Variants in AKAP13 observed in about 807,000 individuals in gnomAD.
AKAP13 encodes A-kinase anchor protein 13.
In AKAP13, 80 loss-of-function variants were observed where a neutral mutation model predicts 264.5. The ratio of observed to expected loss-of-function variants is 0.30; its 90% CI spans 0.25 to 0.36. The LOEUF (loss-of-function observed/expected upper bound fraction) is 0.36, where lower values mean the gene tolerates loss of function less well. AKAP13 is among the 10% of genes least tolerant of loss of function. AKAP13 has a pLI of 1.00. For missense variants in AKAP13, 3,712 were observed against 3,435.2 expected, an observed-to-expected ratio of 1.08 and a Z score of -2.01; for synonymous variants, 1,380 against 1,250.2, an observed-to-expected ratio of 1.10 and a Z score of -2.19.
chr15:85,622,949 T>G (rs923115694), intron 8 of AKAP13, among the ~76,000 whole-genome samples: 1 of 152,234 alleles, frequency 6.6e-6, no homozygotes, highest in African/African-American at 2.4e-5. Context: ...GTGCAGGAAT[T>G]CCTTCTACAA....
rs899072098 is a variant in AKAP13, at chr15:85,708,322, C to A, written c.5532+236C>A. 6.6e-6 allele frequency among the ~76,000 whole-genome samples: 1 copy of A among 152,198 alleles called. No homozygotes were observed. The highest frequency in any genetic ancestry group is 1.9e-4 in the East Asian group (1 of 5,200). On this transcript the variant is annotated intron_variant, in intron 18 of 36. Coordinates refer to ENST00000394518, the MANE Select transcript of AKAP13 (RefSeq NM_007200.5). The surrounding 1 kb of genome is among the most constrained non-coding windows in gnomAD (Gnocchi z 4.3). ...AGAAAACGCTTTCAGAACTTCTTCA[C>A]GTTCAATATACATTTCTTCGTGATT...
intron 16 of AKAP13, among the ~76,000 whole-genome samples, chr15:85,687,773 G>C (rs554480721): frequency 6.6e-6 from 1 of 152,174 alleles, no homozygotes; most frequent in South Asian, 2.1e-4. Flanking sequence ...GGGCACAGTG[G>C]TACACACCTG....
chr15:85,397,588 T>C (rs1260948617), intron 1 of AKAP13, among the ~76,000 whole-genome samples: 1 of 152,220 alleles, frequency 6.6e-6, no homozygotes, highest in Admixed American at 6.5e-5. Flanking sequence ...GGAACCATTA[T>C]TGATCTATTG....
At chr15:85,528,931 T>C (rs1246372870) in intron 3 of AKAP13, among the ~76,000 whole-genome samples, 1 of 152,188 alleles carries the variant, frequency 6.6e-6, no homozygotes, top group African/African-American at 2.4e-5. Context: ...TAAAAAAAGA[T>C]TGGGATTTTT....
chr15:85,498,197 GAGATAT>G (rs1257264138), intron 2 of AKAP13, among the ~76,000 whole-genome samples: 2,739 of 30,070 alleles, frequency 0.091, 94 homozygotes, highest in Non-Finnish European at 0.098. Context: ...TAAATGAAGT[GAGATAT>G]ATATATATAT....
intron 2 of AKAP13, among the ~76,000 whole-genome samples, chr15:85,508,498 C>T (rs374337849): frequency 2.2e-4 from 33 of 151,860 alleles, no homozygotes; most frequent in Middle Eastern, 6.8e-3. Flanking sequence ...AGCCCTCTGA[C>T]GGGGGTGGTG....
chr15:85,626,405 C>T lies in AKAP13; in HGVS notation c.4162-12969C>T, dbSNP rs188324079. Among the ~76,000 whole-genome samples, 236 of 152,302 alleles carry T rather than the reference C, an allele frequency of 1.5e-3. 6 individuals are homozygous for T. The highest frequency in any genetic ancestry group is 1.0e-4 in the Non-Finnish European group (7 of 68,022). On this transcript the variant is annotated intron_variant, in intron 8 of 36. Transcript: ENST00000394518. Reference sequence around the variant, plus strand: ...TCTTTACCTGTTAAAACACTAACTTCCCATTCTCTTTGCTTGCTAGTTTGG... The same window carrying T: ...TCTTTACCTGTTAAAACACTAACTTTCCATTCTCTTTGCTTGCTAGTTTGG...
intron 1 of AKAP13, among the ~76,000 whole-genome samples, chr15:85,448,674 G>A (rs563470715): frequency 6.6e-6 from 1 of 152,162 alleles, no homozygotes; most frequent in African/African-American, 2.4e-5. Context: ...TCAGATGGTC[G>A]TAGATGTGTG....
Position 85,682,817 on chromosome 15 carries a change from G to A in AKAP13, c.5156+605G>A, listed in dbSNP as rs1001874061. On this transcript the variant is annotated intron_variant, in intron 15 of 36. Transcript: ENST00000394518. ...TGAGTGGCTGGGATGACAGGCATGC[G>A]CCACCATGCCCAGCTAATTTTGTAT... Among the ~76,000 whole-genome samples, 4 of 152,098 alleles carry A rather than the reference G, an allele frequency of 2.6e-5. No homozygotes were observed. The South Asian group carries it at 6.2e-4, about 24-fold the overall frequency.
chr15:85,634,814 T>C (rs544824648), intron 8 of AKAP13, among the ~76,000 whole-genome samples: 1 of 151,334 alleles, frequency 6.6e-6, no homozygotes, highest in African/African-American at 2.4e-5. Flanking sequence ...GATAGAACCA[T>C]ACAATACATA....
intron 30 of AKAP13, among the ~76,000 whole-genome samples, chr15:85,731,779 G>C (rs1052112604): frequency 6.6e-6 from 1 of 152,146 alleles, no homozygotes; most frequent in East Asian, 1.9e-4. Context: ...ATGGACTCAT[G>C]AATTGAAACA....
chr15:85,488,066 T>C (rs1036673476), intron 2 of AKAP13, among the ~76,000 whole-genome samples: 2 of 152,178 alleles, frequency 1.3e-5, no homozygotes, highest in Non-Finnish European at 2.9e-5. Context: ...CCCAGCTATT[T>C]GTATTTATTT....
intron 32 of AKAP13, 120 bp from the exon 33 acceptor site, chr15:85,735,970 C>G (rs972651717): frequency 4.7e-6 from 4 of 858,990 alleles, no homozygotes; most frequent in Non-Finnish European, 7.7e-6. Flanking sequence ...TAAACCTTCA[C>G]TACCTTAGTG....
chr15:85,415,022 A>G (rs570800024), intron 1 of AKAP13, among the ~76,000 whole-genome samples: 4 of 152,226 alleles, frequency 2.6e-5, no homozygotes, highest in East Asian at 1.9e-4. Context: ...TGGGTTTTCT[A>G]TGTTGGAGTG....
chr15:85,474,243 C>T (rs375537470), intron 1 of AKAP13, among the ~76,000 whole-genome samples: 8 of 152,168 alleles, frequency 5.3e-5, no homozygotes, highest in South Asian at 2.1e-4. Flanking sequence ...CCATTATTTT[C>T]GTAGTTTAAA....
intron 10 of AKAP13, among the ~76,000 whole-genome samples, chr15:85,648,675 C>T (rs1567174333): frequency 6.6e-6 from 1 of 151,960 alleles, no homozygotes; most frequent in East Asian, 1.9e-4. Context: ...CTTGTCTCTA[C>T]AAAAAATACC....
chr15:85,601,058 G>A (rs1168591892), intron 8 of AKAP13, among the ~76,000 whole-genome samples: 1 of 152,166 alleles, frequency 6.6e-6, no homozygotes, highest in Non-Finnish European at 1.5e-5. Context: ...CTTAAATGCT[G>A]AGCAAAATTT....
chr15:85,609,606 A>G (rs2080510569), intron 8 of AKAP13, among the ~76,000 whole-genome samples: 6 of 152,102 alleles, frequency 3.9e-5, no homozygotes, highest in Admixed American at 3.9e-4. Flanking sequence ...TGTCCTTTGG[A>G]TATATACCCA....
intron 14 of AKAP13, chr15:85,677,066 C>A (rs1482573653): frequency 2.0e-5 from 20 of 985,290 alleles, no homozygotes; most frequent in Non-Finnish European, 2.4e-5. Flanking sequence ...CTTGGCTCTT[C>A]TTATTCGAGT....
Sources: allele counts gnomAD v4.1 joint callset (sites outside exome capture counted in the v4.1 genomes callset), GRCh38; gene constraint gnomAD v4.1.1; non-coding constraint Gnocchi (gnomAD v3.1); transcripts MANE v1.5; gene names NCBI Gene and HGNC (gene_info 2026-07-23, HGNC 2026-07-21).